Variants in CAMK2G observed in about 807,000 individuals in gnomAD.
CAMK2G encodes the protein calcium/calmodulin-dependent protein kinase type II subunit gamma.
Under a neutral mutation model 88.7 loss-of-function variants are expected in CAMK2G, and 23 were observed. The ratio of observed to expected loss-of-function variants is 0.26; its 90% CI spans 0.19 to 0.37. The LOEUF (loss-of-function observed/expected upper bound fraction) is 0.37. Among genes scored for constraint, CAMK2G ranks in the 10% least tolerant of loss-of-function variants. The probability of loss-of-function intolerance (pLI) is 1.00; values close to 1 mark genes in which losing one functional copy is unlikely to be tolerated. For missense variants in CAMK2G, 476 were observed against 780.8 expected (o/e 0.61, Z 4.65); for synonymous variants, 263 against 294.8 (o/e 0.89, Z 1.11).
In CAMK2G at chr10:73,839,369, A is replaced by G. The variant is rs2675662; in HGVS notation, c.1009+170T>C. On this transcript the variant is annotated intron_variant, in intron 13 of 22. Coordinates refer to ENST00000423381, the MANE Select transcript of CAMK2G (RefSeq NM_001367534.1). This position sits in a 1 kb window ranked among gnomAD's most constrained non-coding sequence, Gnocchi z 4.2. Reference sequence around the variant, plus strand: ...CATGCATGGCTGGTTAGGGGGCTCCATAACAACGATGCGCTTGCAGATGCC... The same window carrying G: ...CATGCATGGCTGGTTAGGGGGCTCCGTAACAACGATGCGCTTGCAGATGCC... Among the ~76,000 whole-genome samples the G allele has an allele frequency of 0.55, 84,403 of 152,142 alleles. 25,123 individuals are homozygous for G. The highest frequency in any genetic ancestry group is 0.88 in the East Asian group (4,573 of 5,168).
intron 2 of CAMK2G, among the ~76,000 whole-genome samples, chr10:73,863,509 A>G (rs750561217): frequency 2.0e-5 from 3 of 152,118 alleles, no homozygotes; most frequent in Non-Finnish European, 4.4e-5. Context: ...AAAGCTACAG[A>G]CCCACGGCCC....
rs72814369 is a variant in CAMK2G at position 73,853,724 on chromosome 10, C to A, written c.221-478G>T. On this transcript the variant is annotated intron_variant, in intron 3 of 22. Transcript: ENST00000423381. ...AAAGGCAGAGCTCAGCAGGAAGGCA[C>A]GTGGTGCAGGATAATGGATGGTGAG... Among the ~76,000 whole-genome samples, 1,136 of 152,306 alleles carry A rather than the reference C, an allele frequency of 7.5e-3. 15 individuals are homozygous for A. Among genetic ancestry groups the A allele is most frequent in the Middle Eastern group, 0.061 (18 of 294 alleles).
At chr10:73,840,945 T>C (rs1217505510) in intron 12 of CAMK2G, among the ~76,000 whole-genome samples, 1 of 152,202 alleles carries the variant, frequency 6.6e-6, no homozygotes, top group African/African-American at 2.4e-5. Flanking sequence ...GCTTCCCTGT[T>C]CCCATCTGCG....
chr10:73,818,232 A>C (rs1309525036), intron 19 of CAMK2G: 1 of 180,986 alleles, frequency 5.5e-6, no homozygotes, highest in African/African-American at 2.3e-5. Flanking sequence ...GGAAAGCTGC[A>C]CATTTCACAC....
At chr10:73,851,348 G>A (rs1314482570) in intron 5 of CAMK2G, among the ~76,000 whole-genome samples, 1 of 152,214 alleles carries the variant, frequency 6.6e-6, no homozygotes, top group African/African-American at 2.4e-5. Flanking sequence ...GAGCGTGGGT[G>A]AGGGAGGCAC....
In CAMK2G at chr10:73,873,968, C is replaced by T. The variant is rs1027937813; in HGVS notation, c.65+429G>A. Among the ~76,000 whole-genome samples, 14 of 150,420 alleles carry T rather than the reference C, an allele frequency of 9.3e-5. No homozygotes were observed. In the South Asian group the frequency reaches 1.5e-3, roughly 16 times the overall value. On this transcript the variant is annotated intron_variant, in intron 1 of 22. Transcript: ENST00000423381. ...GGGGCGGGGCCGGGCGCCAAACAGC[C>T]CCCCCACGCCCGGGCTCCGCAGCAG...
At chr10:73,860,387 C>A (rs978789817) in intron 3 of CAMK2G, among the ~76,000 whole-genome samples, 1 of 152,118 alleles carries the variant, frequency 6.6e-6, no homozygotes, top group African/African-American at 2.4e-5. Flanking sequence ...AATGGGAGCA[C>A]CATGGAAACC....
At position 73,858,991 on chromosome 10, in the gene CAMK2G, AGCT is replaced by A. The variant is rs768533507; in HGVS notation, c.220+1836_220+1838del. ...TCTGCTTCCTGCATCACTGACCCCTAGCTGCTGTTCTCCTGCCTACATGAGGAC... is the reference window on the plus strand; with the variant it reads ...TCTGCTTCCTGCATCACTGACCCCTAGCTGTTCTCCTGCCTACATGAGGAC... On this transcript the variant is annotated intron_variant, in intron 3 of 22. Transcript: ENST00000423381. Among the ~76,000 whole-genome samples, 3 of 152,316 alleles carry A rather than the reference AGCT, an allele frequency of 2.0e-5. No homozygotes were observed. The East Asian group carries it at 5.8e-4, about 29-fold the overall frequency.
chr10:73,870,909 T>TAG (rs764085311), intron 2 of CAMK2G, among the ~76,000 whole-genome samples: 1 of 152,122 alleles, frequency 6.6e-6, no homozygotes, highest in Non-Finnish European at 1.5e-5. Flanking sequence ...CCCACACCTA[T>TAG]AGTCCAGCCC....
rs11000784 is a variant in CAMK2G at position 73,814,286 on chromosome 10, T to C, written c.*232A>G. The C allele has an allele frequency of 1.2e-4, 18 of 151,110 alleles. No individual in the cohort carries two copies. Among genetic ancestry groups the C allele is most frequent in the Non-Finnish European group, 2.2e-4 (15 of 67,782 alleles). The allele number at this position is 151,110 out of a possible 1,614,324, so 9.4% of individuals were successfully genotyped here. ...CTTTTTTTTTTAAACAATCTTTTTT[T>C]CTTTTTTTTTTTTCTTAAATGTAAA... On this transcript the variant is annotated 3_prime_UTR_variant, in exon 23 of 23. Transcript: ENST00000423381.
At position 73,873,028 on chromosome 10, in the gene CAMK2G, C is replaced by A; in HGVS notation, c.121G>T (p.Ala41Ser). 1 of 1,613,518 alleles carries A rather than the reference C, an allele frequency of 6.2e-7. No individual in the cohort carries two copies. The highest frequency in any genetic ancestry group is 8.5e-7 in the Non-Finnish European group (1 of 1,179,496). The change falls in exon 2 of 23, where the codon GCA (alanine) becomes TCA (serine). Residue 41 changes from alanine to serine, a missense_variant. By Grantham distance (99) the Ala-to-Ser change is moderately conservative (BLOSUM62 1). This residue lies in a region of CAMK2G where 164 missense variants were observed against 385.6 expected (regional missense o/e 0.43). Transcript: ENST00000423381. The part of the protein sequence containing the change: ...CVKKTSTQEY[A>S]AKIINTKKLS... ...TTCTTGGTATTGATGATTTTTGCTG[C>A]GTACTCCTGCGTGGAGGTTTTCTTC...
At chr10:73,838,106 A>C (rs1485229786) in intron 13 of CAMK2G, among the ~76,000 whole-genome samples, 1 of 152,010 alleles carries the variant, frequency 6.6e-6, no homozygotes, top group Admixed American at 6.6e-5. Context: ...CCCAGTGTCC[A>C]CTCTCTGGAC....
At chr10:73,845,934 G>A (rs2094208550) in intron 10 of CAMK2G, among the ~76,000 whole-genome samples, 1 of 148,604 alleles carries the variant, frequency 6.7e-6, no homozygotes, top group African/African-American at 2.5e-5. Flanking sequence ...AAAGAGGTGG[G>A]GTCTGACCAT....
At position 73,849,251 on chromosome 10, in the gene CAMK2G, T is replaced by A. The variant is rs774608893; in HGVS notation, c.414+10A>T. The A allele has an allele frequency of 1.9e-6, 3 of 1,611,212 alleles. No homozygotes were observed. Among genetic ancestry groups the A allele is most frequent in the Non-Finnish European group, 8.5e-7 (1 of 1,177,394 alleles). On this transcript the variant is annotated intron_variant, in intron 6 of 22. Transcript: ENST00000423381. ...ATGAGCAGAGGCACGGAGGGGAGCC[T>A]GGGTAGTACCTTCAGGTCCCTGTGG... is the stretch of plus-strand genomic sequence containing the variant.
chr10:73,866,430 C>T (rs895531190), intron 2 of CAMK2G, among the ~76,000 whole-genome samples: 1 of 151,940 alleles, frequency 6.6e-6, no homozygotes, highest in African/African-American at 2.4e-5. Context: ...ATGGCCCTCT[C>T]AGGGATGGGC....
In CAMK2G at chr10:73,815,159, G is replaced by A; in HGVS notation, c.1623C>T (p.Tyr541=). 1.9e-6 allele frequency: 3 copies of A among 1,614,250 alleles called. No homozygotes were observed. Among genetic ancestry groups the A allele is most frequent in the Non-Finnish European group, 2.5e-6 (3 of 1,180,020 alleles). The stretch of plus-strand genomic sequence containing the variant: ...CGTCGATGTACTGGGTGAGGCGGAT[G>A]TAGGCGATGCACGCTGCGTCCTCCC... ...VIGEDAACIA[Y]IRLTQYIDGQ... Residue 541 remains tyrosine (Y), a synonymous_variant, in exon 22 of 23, where the codon TAC becomes TAT. Transcript: ENST00000423381.
At chr10:73,872,011 C>A (rs1028176688) in intron 2 of CAMK2G, among the ~76,000 whole-genome samples, 4 of 152,188 alleles carry the variant, frequency 2.6e-5, no homozygotes, top group Non-Finnish European at 5.9e-5. Flanking sequence ...ATATTTATGG[C>A]ATCCTACTGC....
At chr10:73,827,311 T>C (rs1211648882) in intron 15 of CAMK2G, among the ~76,000 whole-genome samples, 8 of 152,334 alleles carry the variant, frequency 5.3e-5, no homozygotes, top group Admixed American at 5.2e-4. Context: ...CTCAGCCTCC[T>C]GAGTAGCTGG....
At chr10:73,871,430 A>G (rs1207839798) in intron 2 of CAMK2G, among the ~76,000 whole-genome samples, 1 of 152,204 alleles carries the variant, frequency 6.6e-6, no homozygotes, top group African/African-American at 2.4e-5. Flanking sequence ...CATGGGTCAG[A>G]GGACACTGGT....
Sources: gnomAD v4.1 joint callset for allele counts (sites outside exome capture counted in the v4.1 genomes callset) on GRCh38, gnomAD v4.1.1 for gene constraint, gnomAD v4.1.1 regional missense constraint, Gnocchi (gnomAD v3.1) non-coding constraint, MANE v1.5 for transcripts, NCBI Gene and HGNC (gene_info 2026-07-23, HGNC 2026-07-21) for gene names.